The following FAT3 variants were observed in gnomAD, a reference collection of about 807,000 sequenced individuals.
FAT3 encodes the protein protocadherin Fat 3.
A neutral mutation model predicts 310.2 loss-of-function variants in FAT3; 95 were observed. That is an observed-to-expected ratio of 0.31 (90% CI 0.26 to 0.36). FAT3 has a LOEUF of 0.36. FAT3 is among the 10% of genes least tolerant of loss of function. FAT3 has a pLI of 1.00. For missense variants in FAT3, 5,408 were observed against 5,715.6 expected, an observed-to-expected ratio of 0.95 and a Z score of 1.74; for synonymous variants, 2,314 against 2,192.9, an observed-to-expected ratio of 1.06 and a Z score of -1.54.
rs555977657 is a variant in FAT3 at position 92,554,185 on chromosome 11, G to A, written c.3607+29237G>A. Among the ~76,000 whole-genome samples, 217 of 152,044 alleles carry A rather than the reference G, an allele frequency of 1.4e-3. 2 individuals are homozygous for A. The highest frequency in any genetic ancestry group is 3.6e-3 in the African/African-American group (151 of 41,518). Reference sequence around the variant, plus strand: ...AGAAAGAAAATGAATGGAGGAGGCCGGGCGCAGTGGCTCATGCCTGTAATC... The same window carrying A: ...AGAAAGAAAATGAATGGAGGAGGCCAGGCGCAGTGGCTCATGCCTGTAATC... On this transcript the variant is annotated intron_variant, in intron 3 of 27. Coordinates refer to ENST00000525166, the MANE Select transcript of FAT3 (RefSeq NM_001367949.2).
intron 2 of FAT3, among the ~76,000 whole-genome samples, chr11:92,496,758 A>G (rs1591367897): frequency 1.3e-5 from 2 of 152,124 alleles, no homozygotes; most frequent in East Asian, 3.9e-4. Flanking sequence ...TAGATTTGCA[A>G]ATCACTTTAG....
chr11:92,883,251 G>T lies in FAT3; in HGVS notation c.12795G>T (p.Thr4265=). 6.2e-7 allele frequency: 1 copy of T among 1,612,900 alleles called. No individual in the cohort carries two copies. Among genetic ancestry groups the T allele is most frequent in the Non-Finnish European group, 8.5e-7 (1 of 1,179,840 alleles). The change falls in exon 24 of 28, where the codon ACG becomes ACT. Residue 4265 remains threonine (T), a synonymous_variant. Transcript: ENST00000525166. The surrounding 1 kb of genome is among the most constrained non-coding windows in gnomAD (Gnocchi z 4.2). ...GLGGEHQEMT[T]FHPESPRILT... is the part of the protein sequence containing the mutation. Reference sequence around the variant, plus strand: ...GAGGCGAGCACCAGGAAATGACCACGTTTCACCCTGAGTCGCCCCGCATCC... The same window carrying T: ...GAGGCGAGCACCAGGAAATGACCACTTTTCACCCTGAGTCGCCCCGCATCC...
intron 3 of FAT3, among the ~76,000 whole-genome samples, chr11:92,688,531 T>C (rs1444894657): frequency 6.6e-6 from 1 of 152,174 alleles, no homozygotes; most frequent in Non-Finnish European, 1.5e-5. Flanking sequence ...TAAAAATACC[T>C]ATGCCTAGGC....
At chr11:92,553,415 G>C (rs1742975691) in intron 3 of FAT3, among the ~76,000 whole-genome samples, 1 of 152,220 alleles carries the variant, frequency 6.6e-6, no homozygotes, top group African/African-American at 2.4e-5. Flanking sequence ...TAGCTTCAAA[G>C]AGCTTAGAGT....
intron 1 of FAT3, among the ~76,000 whole-genome samples, chr11:92,346,565 G>A (rs951151483): frequency 2.6e-5 from 4 of 151,978 alleles, no homozygotes; most frequent in African/African-American, 9.7e-5. Context: ...CTCGTTTTTT[G>A]TTTTGTATCC....
chr11:92,606,581 C>G (rs188063844), intron 3 of FAT3, among the ~76,000 whole-genome samples: 346 of 152,308 alleles, frequency 2.3e-3, no homozygotes, highest in Non-Finnish European at 4.3e-3. Context: ...AAAGCACTCT[C>G]ATTTGTTGAG....
chr11:92,584,404 C>T (rs964872371), intron 3 of FAT3, among the ~76,000 whole-genome samples: 2 of 152,028 alleles, frequency 1.3e-5, no homozygotes, highest in Non-Finnish European at 2.9e-5. Flanking sequence ...TTTCATCGTA[C>T]AGAAAGCTTT....
intron 9 of FAT3, among the ~76,000 whole-genome samples, chr11:92,796,250 C>T (rs990887069): frequency 2.6e-5 from 4 of 152,178 alleles, no homozygotes; most frequent in Non-Finnish European, 5.9e-5. Context: ...GATCATTGAA[C>T]TTTTTATTAT....
At chr11:92,729,685 A>G (rs1435716166) in intron 4 of FAT3, among the ~76,000 whole-genome samples, 4 of 151,906 alleles carry the variant, frequency 2.6e-5, no homozygotes, top group Non-Finnish European at 4.4e-5. Flanking sequence ...TCGGCCTCCC[A>G]AAGTGCTGGG....
At chr11:92,828,338 C>T (rs1948151450) in intron 13 of FAT3, among the ~76,000 whole-genome samples, 1 of 152,088 alleles carries the variant, frequency 6.6e-6, no homozygotes, top group Admixed American at 6.6e-5. Flanking sequence ...ATTTCTAAAA[C>T]TTATTGAAAT....
At chr11:92,447,162 T>A (rs935182259) in intron 2 of FAT3, among the ~76,000 whole-genome samples, 4 of 151,740 alleles carry the variant, frequency 2.6e-5, no homozygotes, top group Middle Eastern at 3.2e-3. Context: ...TATGTGTGTA[T>A]GTATGTGTAC....
chr11:92,292,866 A>G (rs1434461975), intron 1 of FAT3, among the ~76,000 whole-genome samples: 2 of 152,052 alleles, frequency 1.3e-5, no homozygotes, highest in East Asian at 3.9e-4. Flanking sequence ...ATAAGCTCTC[A>G]GTTGGATTTG....
chr11:92,862,457 C>T (rs574346399), intron 21 of FAT3, among the ~76,000 whole-genome samples: 36 of 152,284 alleles, frequency 2.4e-4, no homozygotes, highest in African/African-American at 8.2e-4. Flanking sequence ...GGCAAAAGCA[C>T]AAGGAGAATA....
At chr11:92,561,022 A>G (rs1334833888) in intron 3 of FAT3, among the ~76,000 whole-genome samples, 1 of 152,210 alleles carries the variant, frequency 6.6e-6, no homozygotes, top group Non-Finnish European at 1.5e-5. Context: ...TCTTATATTA[A>G]CAACTTTTTT....
intron 2 of FAT3, among the ~76,000 whole-genome samples, chr11:92,488,103 A>T (rs1420145147): frequency 6.6e-6 from 1 of 152,192 alleles, no homozygotes; most frequent in East Asian, 1.9e-4. Context: ...TGCTGGATGG[A>T]TGGAGTAAGT....
Position 92,322,428 on chromosome 11 carries a change from C to T in FAT3, c.-17-29668C>T, listed in dbSNP as rs1275741366. Among the ~76,000 whole-genome samples the T allele has an allele frequency of 2.0e-5, 3 of 152,254 alleles. No homozygotes were observed. The East Asian group carries it at 5.8e-4, about 29-fold the overall frequency. On this transcript the variant is annotated intron_variant, in intron 1 of 27. Coordinates refer to ENST00000525166, the MANE Select transcript of FAT3 (RefSeq NM_001367949.2). ...TGCTGACTAATCAGAGTGATGTTTT[C>T]TGAAGTTTGTGGTGGCAGAGGCAGT... is the stretch of plus-strand genomic sequence containing the variant.
At chr11:92,886,763 C>G in intron 24 of FAT3, 1 of 450,250 alleles carries the variant, frequency 2.2e-6, no homozygotes, top group South Asian at 3.4e-5. Flanking sequence ...TGGCTGTCAG[C>G]TGTTTGGAAG....
At chr11:92,476,214 C>G (rs1952049309) in intron 2 of FAT3, among the ~76,000 whole-genome samples, 3 of 152,098 alleles carry the variant, frequency 2.0e-5, no homozygotes, top group African/African-American at 2.4e-5. Context: ...CATCCTTTAA[C>G]TTATTTTGGA....
intron 22 of FAT3, among the ~76,000 whole-genome samples, chr11:92,871,706 G>A (rs1949398448): frequency 1.3e-5 from 2 of 152,200 alleles, no homozygotes; most frequent in South Asian, 4.2e-4. Context: ...CTTTCCTACC[G>A]AGAAAATTTA....
Sources: gnomAD v4.1 joint callset for allele counts (sites outside exome capture counted in the v4.1 genomes callset) on GRCh38, gnomAD v4.1.1 for gene constraint, Gnocchi (gnomAD v3.1) non-coding constraint, MANE v1.5 for transcripts, NCBI Gene and HGNC (gene_info 2026-07-23, HGNC 2026-07-21) for gene names.